NKAIN2: variants seen among roughly 807,000 people sequenced by gnomAD.
NKAIN2 encodes the protein sodium/potassium transporting ATPase interacting 2.
Under a neutral mutation model 32.6 loss-of-function variants are expected in NKAIN2, and 14 were observed. That is an observed-to-expected ratio of 0.43 (90% CI 0.28 to 0.67). The LOEUF (loss-of-function observed/expected upper bound fraction) is 0.67. Among genes scored for constraint, NKAIN2 ranks in the 30% least tolerant of loss-of-function variants. NKAIN2 has a pLI of 0.17. For synonymous variants in NKAIN2, 80 were observed against 87.2 expected (o/e 0.92, Z 0.46); for missense variants, 198 against 258.3 (o/e 0.77, Z 1.60).
chr6:124,153,073 C>T (rs1787811034), intron 1 of NKAIN2, among the ~76,000 whole-genome samples: 1 of 151,694 alleles, frequency 6.6e-6, no homozygotes, highest in Non-Finnish European at 1.5e-5. Context: ...GGAATAAGTA[C>T]TAGTATTCAA....
At chr6:123,921,413 T>C (rs1028935311) in intron 1 of NKAIN2, among the ~76,000 whole-genome samples, 1 of 152,236 alleles carries the variant, frequency 6.6e-6, no homozygotes, top group African/African-American at 2.4e-5. Flanking sequence ...TGTGCATTAA[T>C]TTATTCATTC....
intron 1 of NKAIN2, among the ~76,000 whole-genome samples, chr6:123,890,687 T>G (rs9490990): frequency 0.012 from 1,893 of 152,124 alleles, 44 homozygotes; most frequent in African/African-American, 0.043. Flanking sequence ...AAGTATCAAG[T>G]GTGGGCTAGC....
chr6:124,763,129 G>C (rs1321119637), intron 4 of NKAIN2, among the ~76,000 whole-genome samples: 1 of 152,158 alleles, frequency 6.6e-6, no homozygotes, highest in East Asian at 1.9e-4. Context: ...GTAAAATGGG[G>C]TTGGGGGAAA....
chr6:124,110,118 T>A (rs1356809272), intron 1 of NKAIN2, among the ~76,000 whole-genome samples: 1 of 151,876 alleles, frequency 6.6e-6, no homozygotes, highest in East Asian at 1.9e-4. Context: ...AGAATTGAGT[T>A]TGTAAATGTT....
intron 3 of NKAIN2, among the ~76,000 whole-genome samples, chr6:124,517,373 A>G (rs1392176997): frequency 1.3e-5 from 2 of 152,178 alleles, no homozygotes; most frequent in Non-Finnish European, 2.9e-5. Flanking sequence ...GATGAGCTCT[A>G]AATCTCTCAT....
intron 2 of NKAIN2, among the ~76,000 whole-genome samples, chr6:124,286,321 C>G (rs1191096188): frequency 6.6e-6 from 1 of 151,994 alleles, no homozygotes; most frequent in African/African-American, 2.4e-5. Context: ...TCATTTCCAA[C>G]AAAAATACTC....
chr6:123,871,661 A>G (rs1772892004), intron 1 of NKAIN2, among the ~76,000 whole-genome samples: 2 of 152,206 alleles, frequency 1.3e-5, no homozygotes, highest in Non-Finnish European at 2.9e-5. Flanking sequence ...ACTTACAATT[A>G]GTTGCCTGGA....
At chr6:123,974,922 G>A (rs553999236) in intron 1 of NKAIN2, among the ~76,000 whole-genome samples, 6 of 151,996 alleles carry the variant, frequency 3.9e-5, no homozygotes, top group Non-Finnish European at 5.9e-5. Flanking sequence ...TATTTCCAAC[G>A]CTTACAATAA....
chr6:124,095,426 G>A (rs149698491), intron 1 of NKAIN2, among the ~76,000 whole-genome samples: 5 of 152,106 alleles, frequency 3.3e-5, no homozygotes, highest in Non-Finnish European at 5.9e-5. Flanking sequence ...TGTGCATTAC[G>A]TACATGTATT....
intron 3 of NKAIN2, among the ~76,000 whole-genome samples, chr6:124,631,435 C>A (rs995658631): frequency 1.3e-5 from 2 of 151,996 alleles, no homozygotes; most frequent in African/African-American, 4.8e-5. Context: ...TAAACCTAGG[C>A]AACAAAAAAA....
At chr6:124,735,229 G>A (rs1363959487) in intron 4 of NKAIN2, among the ~76,000 whole-genome samples, 1 of 151,884 alleles carries the variant, frequency 6.6e-6, no homozygotes, top group Non-Finnish European at 1.5e-5. Flanking sequence ...ACCTCTGTAG[G>A]CTTCTCAGTT....
At chr6:124,117,578 CT>C (rs1207101919) in intron 1 of NKAIN2, among the ~76,000 whole-genome samples, 1 of 152,066 alleles carries the variant, frequency 6.6e-6, no homozygotes, top group Non-Finnish European at 1.5e-5. Flanking sequence ...CTCATTTGAT[CT>C]CTAAGTAAAA....
intron 4 of NKAIN2, among the ~76,000 whole-genome samples, chr6:124,699,591 C>A (rs1181383823): frequency 6.6e-6 from 1 of 152,060 alleles, no homozygotes; most frequent in African/African-American, 2.4e-5. Flanking sequence ...CTCATGACAT[C>A]TGGTTTTTTA....
At chr6:123,833,314 A>AAT (rs1410867727) in intron 1 of NKAIN2, among the ~76,000 whole-genome samples, 1 of 152,154 alleles carries the variant, frequency 6.6e-6, no homozygotes, top group Non-Finnish European at 1.5e-5. Flanking sequence ...TTCTTTAGGC[A>AAT]ATACCATATT....
intron 3 of NKAIN2, among the ~76,000 whole-genome samples, chr6:124,377,642 G>C (rs1376949557): frequency 1.3e-5 from 2 of 152,140 alleles, no homozygotes; most frequent in African/African-American, 2.4e-5. Flanking sequence ...AGAAATGTGA[G>C]GGGTGAGGCT....
intron 6 of NKAIN2, 58 bp downstream of exon 6, chr6:124,818,526 T>C: frequency 1.4e-6 from 1 of 721,192 alleles, no homozygotes; most frequent in East Asian, 2.7e-5. Context: ...CAAGTAACTG[T>C]ATCACGATAC....
chr6:124,161,751 T>C (rs540163670), intron 1 of NKAIN2, among the ~76,000 whole-genome samples: 2 of 152,034 alleles, frequency 1.3e-5, no homozygotes, highest in Non-Finnish European at 2.9e-5. Context: ...ATTGAGTACT[T>C]GTAGACATAA....
intron 1 of NKAIN2, among the ~76,000 whole-genome samples, chr6:123,982,496 C>T (rs1221541241): frequency 1.3e-5 from 2 of 151,964 alleles, no homozygotes; most frequent in African/African-American, 2.4e-5. Context: ...GACAAGGATA[C>T]CCATTTCATT....
At chr6:124,579,559 GAATT>G (rs1378609790) in intron 3 of NKAIN2, among the ~76,000 whole-genome samples, 1 of 152,068 alleles carries the variant, frequency 6.6e-6, no homozygotes, top group Admixed American at 6.6e-5. Context: ...GCAGACAAAA[GAATT>G]AAGCCCACCC....
Sources: gnomAD v4.1 joint callset for allele counts (sites outside exome capture counted in the v4.1 genomes callset) on GRCh38, gnomAD v4.1.1 for gene constraint, MANE v1.5 for transcripts, NCBI Gene and HGNC (gene_info 2026-07-23, HGNC 2026-07-21) for gene names.